The following MFN1 variants were observed in gnomAD, a reference collection of about 807,000 sequenced individuals.
The protein encoded by MFN1 is mitofusin 1, also known as mitofusin-1.
In MFN1, 65 loss-of-function variants were observed where a neutral mutation model predicts 92.4. That is an observed-to-expected ratio of 0.70 (90% CI 0.58 to 0.86). The LOEUF is 0.86. Ranked by LOEUF, MFN1 falls within the 40% of genes least tolerant of loss-of-function variation. The probability of loss-of-function intolerance (pLI) is 0.00; values close to 1 mark genes in which losing one functional copy is unlikely to be tolerated. For missense variants in MFN1, 781 were observed against 868.0 expected (o/e 0.90, Z 1.26); for synonymous variants, 297 against 300.9 (o/e 0.99, Z 0.13).
rs749454460 is a variant in MFN1, at chr3:179,365,100, G to GT, written c.646-10dup. On this transcript the variant is annotated splice_polypyrimidine_tract_variant and intron_variant, in intron 6 of 17. Coordinates refer to ENST00000471841, the MANE Select transcript of MFN1 (RefSeq NM_033540.3). ...TAAATTATAGTGAATGTACTGTGGG[G>GT]TTTTTTTTGTTTTTCAGGAAAAACA... 195 of 1,392,768 alleles carry GT rather than the reference G, an allele frequency of 1.4e-4. No homozygotes were observed. The highest frequency in any genetic ancestry group is 5.2e-4 in the African/African-American group (35 of 66,902). 86.3% of individuals were successfully genotyped at this position (1,392,768 alleles called of 1,614,324 possible). A position where few individuals can be genotyped will look rare whatever the true frequency, so the allele number is the denominator to read the frequency against.
chr3:179,358,815 T>C, intron 3 of MFN1, 25 bp from the exon 4 acceptor site: 1 of 1,592,744 alleles, frequency 6.3e-7, no homozygotes, highest in Non-Finnish European at 8.6e-7. Flanking sequence ...ATGTTTTGTT[T>C]TTCATGATTT....
chr3:179,376,300 G>A (rs552084536), intron 10 of MFN1, among the ~76,000 whole-genome samples: 56 of 152,298 alleles, frequency 3.7e-4, no homozygotes, highest in Non-Finnish European at 7.4e-4. Context: ...TGCTGCTATA[G>A]CAGTTCCTTC....
At chr3:179,388,639 G>A (rs1577017951) in intron 16 of MFN1, among the ~76,000 whole-genome samples, 1 of 152,130 alleles carries the variant, frequency 6.6e-6, no homozygotes, top group Admixed American at 6.6e-5. Context: ...AAATATAAGA[G>A]AAAGAGAAAC....
chr3:179,386,331 T>G (rs948667555), intron 15 of MFN1, 102 bp from the exon 16 acceptor site: 2 of 875,796 alleles, frequency 2.3e-6, no homozygotes, highest in Non-Finnish European at 3.5e-6. Context: ...TTTTAGAAAA[T>G]GTATCTAACT....
chr3:179,390,489 C>G (rs1385419820), intron 17 of MFN1, among the ~76,000 whole-genome samples: 2 of 152,088 alleles, frequency 1.3e-5, no homozygotes, highest in Non-Finnish European at 2.9e-5. Context: ...TTGTGTATGT[C>G]CAAGACCCAT....
intron 14 of MFN1, 31 bp from the exon 15 acceptor site, chr3:179,385,538 A>G: frequency 6.5e-7 from 1 of 1,533,190 alleles, no homozygotes; most frequent in South Asian, 1.2e-5. Flanking sequence ...TTTAAGTGTA[A>G]TCTTTTTTCC....
At chr3:179,361,206 C>G (rs1475144077) in intron 4 of MFN1, among the ~76,000 whole-genome samples, 1 of 152,196 alleles carries the variant, frequency 6.6e-6, no homozygotes, top group African/African-American at 2.4e-5. Flanking sequence ...AATCAAAATT[C>G]AAACTTCTCG....
chr3:179,367,080 ACC>A (rs1490424098), intron 7 of MFN1, among the ~76,000 whole-genome samples: 1 of 152,214 alleles, frequency 6.6e-6, no homozygotes, highest in East Asian at 1.9e-4. Context: ...GGCACCTGCC[ACC>A]ACACCCAGCT....
chr3:179,361,167 C>T (rs1003975652), intron 4 of MFN1, among the ~76,000 whole-genome samples: 7 of 152,174 alleles, frequency 4.6e-5, no homozygotes, highest in African/African-American at 1.7e-4. Flanking sequence ...GAAGGAATCA[C>T]TGTTGTTTTG....
intron 9 of MFN1, among the ~76,000 whole-genome samples, chr3:179,369,135 GT>G (rs1339972657): frequency 1.5e-4 from 23 of 152,282 alleles, no homozygotes; most frequent in African/African-American, 5.3e-4. Context: ...GATACGTGAA[GT>G]CCCCGTTACT....
chr3:179,370,255 A>AAT (rs1234068563), intron 9 of MFN1, among the ~76,000 whole-genome samples: 1 of 151,870 alleles, frequency 6.6e-6, no homozygotes, highest in African/African-American at 2.4e-5. Flanking sequence ...TTTAAATATA[A>AAT]ATATATATCT....
rs761451069 is a variant in MFN1 at position 179,385,584 on chromosome 3, G to C, written c.1678G>C (p.Ala560Pro). The C allele has an allele frequency of 8.1e-6, 13 of 1,596,672 alleles. No homozygotes were observed. In the East Asian group the frequency reaches 2.5e-4, roughly 30 times the overall value. The change falls in exon 15 of 18, where the codon GCT becomes CCT. Residue 560 changes from alanine to proline, a missense_variant. Physicochemically the swap from Ala to Pro is conservative, Grantham distance 27. Coordinates refer to ENST00000471841, the MANE Select transcript of MFN1 (RefSeq NM_033540.3). ...TTTTTGGCAGCTCCCTAGATCTTTA[G>C]CTTCTACTCCCACTGCTCCTACCAC... ...EPIFQLPRSL[A>P]STPTAPTTPA... is the part of the protein sequence containing the mutation.
intron 1 of MFN1, 108 bp from the exon 2 acceptor site, chr3:179,348,737 A>G (rs764981170): frequency 4.7e-6 from 7 of 1,474,142 alleles, no homozygotes; most frequent in Non-Finnish European, 6.4e-6. Flanking sequence ...ACATTTTGCC[A>G]GCATAATTTA....
intron 11 of MFN1, 27 bp from the exon 12 acceptor site, chr3:179,377,317 T>G: frequency 6.4e-7 from 1 of 1,557,950 alleles, no homozygotes; most frequent in Non-Finnish European, 8.7e-7. Context: ...TTTAATTATT[T>G]TAACTCCAAA....
intron 9 of MFN1, among the ~76,000 whole-genome samples, chr3:179,372,241 C>T (rs1456166030): frequency 1.3e-5 from 2 of 151,016 alleles, no homozygotes; most frequent in Non-Finnish European, 3.0e-5. Flanking sequence ...CTATTTCTTG[C>T]ACTTTCTATT....
chr3:179,382,642 A>G (rs1203907117), intron 14 of MFN1, among the ~76,000 whole-genome samples: 1 of 152,204 alleles, frequency 6.6e-6, no homozygotes, highest in Non-Finnish European at 1.5e-5. Context: ...CTGAGGAATC[A>G]CCACACTGTC....
chr3:179,365,070 A>G (rs1560193398), intron 6 of MFN1, 48 bp from the exon 7 acceptor site: 8 of 1,048,888 alleles, frequency 7.6e-6, no homozygotes, highest in Non-Finnish European at 1.1e-5. Flanking sequence ...TTTCAATTAT[A>G]AATGTAAATT....
rs2108518903 is a variant in MFN1, at chr3:179,347,740, C to T, written c.-78C>T. On this transcript the variant is annotated 5_prime_UTR_variant, in exon 1 of 18. Coordinates refer to ENST00000471841, the MANE Select transcript of MFN1 (RefSeq NM_033540.3). Reference sequence around the variant, plus strand: ...CCTGCCTCCTCTCCGCCTTTAACTTCTCGGGAAGATGAGGCAGTTTGGCAT... The same window carrying T: ...CCTGCCTCCTCTCCGCCTTTAACTTTTCGGGAAGATGAGGCAGTTTGGCAT... 1 of 152,502 alleles carries T rather than the reference C, an allele frequency of 6.6e-6. No individual in the cohort carries two copies. Among genetic ancestry groups the T allele is most frequent in the East Asian group, 1.9e-4 (1 of 5,190 alleles). The allele number at this position is 152,502 out of a possible 1,614,324, so 9.4% of individuals were successfully genotyped here.
intron 7 of MFN1, among the ~76,000 whole-genome samples, chr3:179,365,690 GGA>G (rs1307207755): frequency 6.6e-6 from 1 of 152,110 alleles, no homozygotes; most frequent in Non-Finnish European, 1.5e-5. Flanking sequence ...TACTTCCCAA[GGA>G]GAAATTATCC....
Sources: allele counts gnomAD v4.1 joint callset (sites outside exome capture counted in the v4.1 genomes callset), GRCh38; gene constraint gnomAD v4.1.1; transcripts MANE v1.5; gene names NCBI Gene and HGNC (gene_info 2026-07-23, HGNC 2026-07-21).